HARS1: variants seen among roughly 807,000 people sequenced by gnomAD.
HARS1 encodes the protein histidyl-tRNA synthetase 1.
HARS1 carries 45 observed loss-of-function variants against 63.6 expected under a neutral mutation model. The observed-to-expected ratio is 0.71, with a 90% CI of 0.56 to 0.91. HARS1 has a LOEUF of 0.91. Ranked by LOEUF, HARS1 falls within the 40% of genes least tolerant of loss-of-function variation. HARS1 has a pLI of 0.00. For missense variants in HARS1, 508 were observed against 643.2 expected, an observed-to-expected ratio of 0.79 and a Z score of 2.27; for synonymous variants, 205 against 247.1, an observed-to-expected ratio of 0.83 and a Z score of 1.60.
intron 1 of HARS1, 30 bp from the exon 2 acceptor site, chr5:140,690,974 C>T: frequency 8.0e-7 from 1 of 1,245,770 alleles, no homozygotes; most frequent in Non-Finnish European, 1.2e-6. Flanking sequence ...GCTGAGCTAT[C>T]CATCTGTCAC....
rs1386310873 is a variant in HARS1 at position 140,691,359 on chromosome 5, C to T, written c.-55G>A. On this transcript the variant is annotated 5_prime_UTR_variant, in exon 1 of 13. Transcript: ENST00000504156. ...CTCGACCTGCGGTGGTTGCCCCAGCCTCAGCAAGGATGACTTCCGGCTATC... is the reference window on the plus strand; with the variant it reads ...CTCGACCTGCGGTGGTTGCCCCAGCTTCAGCAAGGATGACTTCCGGCTATC... 1 of 1,371,794 alleles carries T rather than the reference C, an allele frequency of 7.3e-7. No individual in the cohort carries two copies. The highest frequency in any genetic ancestry group is 1.0e-6 in the Non-Finnish European group (1 of 992,570). 85.0% of individuals were successfully genotyped at this position (1,371,794 alleles called of 1,614,324 possible). A position where few individuals can be genotyped will look rare whatever the true frequency, so the allele number is the denominator to read the frequency against.
At chr5:140,683,836 A>G (rs537318639) in intron 2 of HARS1, 2 of 152,646 alleles carry the variant, frequency 1.3e-5, no homozygotes, top group African/African-American at 4.8e-5. Flanking sequence ...TCTCAATAAA[A>G]CAAACAAATG....
chr5:140,677,010 G>A lies in HARS1; in HGVS notation c.930C>T (p.Thr310=). Residue 310 remains threonine, a synonymous_variant, in exon 9 of 13, where the codon ACC becomes ACT. Transcript: ENST00000504156. ...TCACTTTGTCATCAATGCCAAATAG[G>A]GTCAGGTACTCAAAGAGCAACTTCA... The part of the protein sequence containing the change: ...GDLKLLFEYL[T]LFGIDDKISF... 3 of 1,614,170 alleles carry A rather than the reference G, an allele frequency of 1.9e-6. No homozygotes were observed. The highest frequency in any genetic ancestry group is 1.7e-6 in the Non-Finnish European group (2 of 1,180,016).
At chr5:140,682,125 T>C (rs2149831533) in intron 3 of HARS1, among the ~76,000 whole-genome samples, 1 of 152,268 alleles carries the variant, frequency 6.6e-6, no homozygotes, top group East Asian at 1.9e-4. Context: ...ATGCCTGTAA[T>C]GTCAGCACTT....
Position 140,677,418 on chromosome 5 carries a change from C to T in HARS1, c.732G>A (p.Val244=), listed in dbSNP as rs113713558. ...ICSSVDKLDK[V]SWEEVKNEMV... ...TCTCATTCTTCACCTCTTCCCAGGA[C>T]ACCTAGGCAGACAGACACCAGTCAG... Residue 244 remains valine, a splice_region_variant and synonymous_variant, in exon 8 of 13, where the codon GTG becomes GTA. Coordinates refer to ENST00000504156, the MANE Select transcript of HARS1 (RefSeq NM_002109.6). The T allele has an allele frequency of 6.2e-7, 1 of 1,611,342 alleles. No individual in the cohort carries two copies. The highest frequency in any genetic ancestry group is 1.3e-5 in the African/African-American group (1 of 74,860).
intron 2 of HARS1, among the ~76,000 whole-genome samples, 172 bp from the exon 3 acceptor site, chr5:140,683,391 TC>T (rs1284439452): frequency 6.6e-6 from 1 of 152,226 alleles, no homozygotes; most frequent in Admixed American, 6.5e-5. Context: ...CCCTATTAAT[TC>T]CCACACCCAT....
intron 3 of HARS1, among the ~76,000 whole-genome samples, chr5:140,680,966 C>T (rs556035716): frequency 1.3e-5 from 2 of 151,458 alleles, no homozygotes; most frequent in African/African-American, 2.4e-5. Context: ...GACCAATAAA[C>T]ATAAATGTTT....
chr5:140,673,964 C>G lies in HARS1; in HGVS notation c.*293G>C. The G allele has an allele frequency of 1.8e-6, 1 of 569,614 alleles. No homozygotes were observed. Among genetic ancestry groups the G allele is most frequent in the South Asian group, 2.0e-5 (1 of 49,218 alleles). The allele number at this position is 569,614 out of a possible 1,614,324, so 35.3% of individuals were successfully genotyped here. A position where few individuals can be genotyped will look rare whatever the true frequency, so the allele number is the denominator to read the frequency against. ...ATTGGTGGTGGGGAGGCATCTGCTC[C>G]AACTGGTGCGGGGCCCTGCAGATGG... On this transcript the variant is annotated 3_prime_UTR_variant, in exon 13 of 13. Transcript: ENST00000504156.
Position 140,679,353 on chromosome 5 carries a change from A to G in HARS1, c.397-226T>C. The G allele has an allele frequency of 2.1e-6, 1 of 481,934 alleles. No individual in the cohort carries two copies. The highest frequency in any genetic ancestry group is 3.7e-6 in the Non-Finnish European group (1 of 273,018). The allele number at this position is 481,934 out of a possible 1,614,324, so 29.9% of individuals were successfully genotyped here. A position where few individuals can be genotyped will look rare whatever the true frequency, so the allele number is the denominator to read the frequency against. On this transcript the variant is annotated intron_variant, in intron 4 of 12. Transcript: ENST00000504156. This position sits in a 1 kb window ranked among gnomAD's most constrained non-coding sequence, Gnocchi z 4.3. ...CTTTCCCTTTTGTAGTGTTGACTGG[A>G]CTTTTTTGAGCATGGCAAGGGGCTG... is the stretch of plus-strand genomic sequence containing the variant.
chr5:140,683,629 C>T (rs1173023303), intron 2 of HARS1: 6 of 227,100 alleles, frequency 2.6e-5, no homozygotes, highest in African/African-American at 7.0e-5. Context: ...GTCAGGGGTT[C>T]GAGACCAGCC....
At position 140,688,353 on chromosome 5, in the gene HARS1, A is replaced by T. The variant is rs191532032; in HGVS notation, c.180+2502T>A. On this transcript the variant is annotated intron_variant, in intron 2 of 12. Transcript: ENST00000504156. Reference sequence around the variant, plus strand: ...CCATTACCCAGCTTCAACAACCATTAACATCTGCTATTCTTATTTCATTTA... The same window carrying T: ...CCATTACCCAGCTTCAACAACCATTTACATCTGCTATTCTTATTTCATTTA... Among the ~76,000 whole-genome samples the T allele has an allele frequency of 2.7e-3, 418 of 152,216 alleles. 3 individuals carry two copies. The highest frequency in any genetic ancestry group is 0.014 in the Middle Eastern group (4 of 294).
chr5:140,676,737 C>G lies in HARS1; in HGVS notation c.1111G>C (p.Asp371His), dbSNP rs753104645. The G allele has an allele frequency of 6.2e-7, 1 of 1,614,220 alleles. No individual in the cohort carries two copies. Among genetic ancestry groups the G allele is most frequent in the South Asian group, 1.1e-5 (1 of 91,086 alleles). The change falls in exon 10 of 13, where the codon GAC becomes CAC. Residue 371 changes from aspartate to histidine, a missense_variant. Physicochemically the swap from Asp to His is moderately conservative, Grantham distance 81. Around this residue, in one of 2 missense-constraint regions of HARS1, gnomAD observed 403 missense variants for 548.7 expected, o/e 0.73. Transcript: ENST00000504156. This position sits in a 1 kb window ranked among gnomAD's most constrained non-coding sequence, Gnocchi z 4.1. ...GRYDGLVGMF[D>H]PKGRKVPCVG... ...CATGGCACCTTGCGCCCTTTGGGGTCGAACATGCCCACTAGCCCATCATAG... is the reference window on the plus strand; with the variant it reads ...CATGGCACCTTGCGCCCTTTGGGGTGGAACATGCCCACTAGCCCATCATAG...
Position 140,674,202 on chromosome 5 carries a change from TCTTAACCTCAAATAGTGCCAGTCCCA to T in HARS1, c.*29_*54del. 2 of 1,101,320 alleles carry T rather than the reference TCTTAACCTCAAATAGTGCCAGTCCCA, an allele frequency of 1.8e-6. No individual in the cohort carries two copies. Among genetic ancestry groups the T allele is most frequent in the Non-Finnish European group, 2.8e-6 (2 of 711,116 alleles). 68.2% of individuals were successfully genotyped at this position (1,101,320 alleles called of 1,614,324 possible). A position where few individuals can be genotyped will look rare whatever the true frequency, so the allele number is the denominator to read the frequency against. ...GCAATTGAAGTACATATGCAGTTTG[TCTTAACCTCAAATAGTGCCAGTCCCA>T]CTTCCTTTCCTCTGATAGTTTGTTC... On this transcript the variant is annotated 3_prime_UTR_variant, in exon 13 of 13. Coordinates refer to ENST00000504156, the MANE Select transcript of HARS1 (RefSeq NM_002109.6).
At chr5:140,683,361 T>C (rs1449832736) in intron 2 of HARS1, 142 bp from the exon 3 acceptor site, 1 of 964,274 alleles carries the variant, frequency 1.0e-6, no homozygotes, top group Non-Finnish European at 1.5e-6. Flanking sequence ...CACTGAGTTT[T>C]AAAACAAGTA....
chr5:140,683,610 T>C (rs1758846153), intron 2 of HARS1: 1 of 375,220 alleles, frequency 2.7e-6, no homozygotes. Flanking sequence ...GGCAGATGGA[T>C]TGCCTGAGGT....
chr5:140,685,839 TC>T (rs1758992274), intron 2 of HARS1, among the ~76,000 whole-genome samples: 1 of 152,232 alleles, frequency 6.6e-6, no homozygotes, highest in Non-Finnish European at 1.5e-5. Flanking sequence ...GTGCATGATT[TC>T]ATAACAGGTC....
At chr5:140,689,596 G>C (rs1394343687) in intron 2 of HARS1, among the ~76,000 whole-genome samples, 1 of 152,098 alleles carries the variant, frequency 6.6e-6, no homozygotes, top group Non-Finnish European at 1.5e-5. Context: ...ACCACACTCA[G>C]CCAGATTTTT....
intron 6 of HARS1, 37 bp downstream of exon 6, chr5:140,677,871 G>T: frequency 6.8e-7 from 1 of 1,464,692 alleles, no homozygotes. Context: ...TGAGAGGCCA[G>T]GCCCAACTTT....
rs1227258402 is a variant in HARS1, at chr5:140,677,070, G to A, written c.870C>T (p.Ser290=). Reference sequence around the variant, plus strand: ...GGCCCTCCAAGGCCTGCTTGTTTTGGGATAGTTTAGGATCCTGGAGCAGCT... The same window carrying A: ...GGCCCTCCAAGGCCTGCTTGTTTTGAGATAGTTTAGGATCCTGGAGCAGCT... ...VEQLLQDPKL[S]QNKQALEGLG... is the part of the protein sequence containing the mutation. The change falls in exon 9 of 13, where the codon TCC becomes TCT. Residue 290 remains serine, a synonymous_variant. Coordinates refer to ENST00000504156, the MANE Select transcript of HARS1 (RefSeq NM_002109.6). The A allele has an allele frequency of 3.1e-6, 5 of 1,614,056 alleles. No individual in the cohort carries two copies. The South Asian group carries it at 3.3e-5, about 11-fold the overall frequency.
Sources: allele counts gnomAD v4.1 joint callset (sites outside exome capture counted in the v4.1 genomes callset), GRCh38; gene constraint gnomAD v4.1.1; regional missense constraint gnomAD v4.1.1; non-coding constraint Gnocchi (gnomAD v3.1); transcripts MANE v1.5; gene names NCBI Gene and HGNC (gene_info 2026-07-23, HGNC 2026-07-21).